Variants in TMEM108 observed in about 807,000 individuals in gnomAD.
The protein encoded by TMEM108 is cancer/testis antigen 124.
In TMEM108, 12 loss-of-function variants were observed where a neutral mutation model predicts 35.1. That is an observed-to-expected ratio of 0.34 (90% CI 0.22 to 0.55). The LOEUF (loss-of-function observed/expected upper bound fraction) is 0.55, where lower values mean the gene tolerates loss of function less well. TMEM108 is among the 20% of genes least tolerant of loss of function. The pLI is 0.89. For missense variants in TMEM108, 680 were observed against 753.3 expected, an observed-to-expected ratio of 0.90 and a Z score of 1.14; for synonymous variants, 287 against 308.6, an observed-to-expected ratio of 0.93 and a Z score of 0.73.
At chr3:133,126,262 C>T (rs533121945) in intron 2 of TMEM108, among the ~76,000 whole-genome samples, 26 of 152,034 alleles carry the variant, frequency 1.7e-4, no homozygotes, top group African/African-American at 5.8e-4. Flanking sequence ...GTCAGGAGTT[C>T]GAGACCAGCC....
At chr3:133,153,812 G>T (rs769872353) in intron 2 of TMEM108, among the ~76,000 whole-genome samples, 30 of 152,186 alleles carry the variant, frequency 2.0e-4, no homozygotes, top group Non-Finnish European at 3.4e-4. Flanking sequence ...GGCAATGGTT[G>T]TATATAGTAA....
At chr3:133,304,722 G>A (rs113868735) in intron 3 of TMEM108, among the ~76,000 whole-genome samples, 3,140 of 151,922 alleles carry the variant, frequency 0.021, 111 homozygotes, top group African/African-American at 0.071. Flanking sequence ...ATAAGGATAC[G>A]CCACAATTTG....
chr3:133,263,523 T>A (rs1225713589), intron 3 of TMEM108, among the ~76,000 whole-genome samples: 1 of 152,142 alleles, frequency 6.6e-6, no homozygotes, highest in Non-Finnish European at 1.5e-5. Flanking sequence ...GTTGGAAAGG[T>A]GAAAAGAAGC....
At chr3:133,345,859 T>C (rs1321182785) in intron 3 of TMEM108, among the ~76,000 whole-genome samples, 1 of 151,994 alleles carries the variant, frequency 6.6e-6, no homozygotes, top group Non-Finnish European at 1.5e-5. Flanking sequence ...GATATATGAA[T>C]TTTGCTGTAT....
At chr3:133,314,439 G>T (rs573591641) in intron 3 of TMEM108, among the ~76,000 whole-genome samples, 1 of 152,158 alleles carries the variant, frequency 6.6e-6, no homozygotes, top group African/African-American at 2.4e-5. Context: ...ATGATGGAAC[G>T]CAATTTCCAG....
At chr3:133,246,291 T>C (rs941303549) in intron 3 of TMEM108, 2 of 152,206 alleles carry the variant, frequency 1.3e-5, no homozygotes, top group Non-Finnish European at 2.9e-5. Context: ...TCCTGTCCCA[T>C]ATCAGCTCTG....
chr3:133,345,324 C>A (rs1323183042), intron 3 of TMEM108, among the ~76,000 whole-genome samples: 2 of 151,862 alleles, frequency 1.3e-5, no homozygotes, highest in Admixed American at 1.3e-4. Context: ...AGCTAGATGA[C>A]CATGTCAAAA....
At chr3:133,387,689 CT>C (rs2073173416) in intron 4 of TMEM108, 1 of 628,846 alleles carries the variant, frequency 1.6e-6, no homozygotes, top group African/African-American at 2.0e-5. Flanking sequence ...GTTTCAGCAC[CT>C]ACTGTGCACC....
intron 2 of TMEM108, among the ~76,000 whole-genome samples, chr3:133,126,155 A>G (rs1944412814): frequency 6.6e-6 from 1 of 152,134 alleles, no homozygotes; most frequent in African/African-American, 2.4e-5. Flanking sequence ...ATATACTACT[A>G]TAATCTTTTT....
chr3:133,055,629 A>G (rs907203922), intron 2 of TMEM108, among the ~76,000 whole-genome samples: 6 of 152,188 alleles, frequency 3.9e-5, no homozygotes, highest in African/African-American at 1.2e-4. Flanking sequence ...TATTCTTCCT[A>G]TGAACCACAG....
intron 3 of TMEM108, among the ~76,000 whole-genome samples, chr3:133,359,860 A>C (rs1576498280): frequency 6.6e-6 from 1 of 152,152 alleles, no homozygotes; most frequent in Non-Finnish European, 1.5e-5. Context: ...AAATGAAAAC[A>C]TGTGTCCTCA....
intron 3 of TMEM108, among the ~76,000 whole-genome samples, chr3:133,229,670 G>T (rs1343447418): frequency 6.6e-6 from 1 of 152,108 alleles, no homozygotes; most frequent in Non-Finnish European, 1.5e-5. Context: ...GTTAATTTGG[G>T]AATGAGTGTC....
At chr3:133,136,202 G>C (rs1057306769) in intron 2 of TMEM108, among the ~76,000 whole-genome samples, 1 of 152,116 alleles carries the variant, frequency 6.6e-6, no homozygotes, top group Non-Finnish European at 1.5e-5. Context: ...CAAAATTATT[G>C]CTTCTGAGCA....
intron 2 of TMEM108, among the ~76,000 whole-genome samples, chr3:133,137,814 G>A (rs966257612): frequency 6.6e-6 from 1 of 152,186 alleles, no homozygotes; most frequent in Non-Finnish European, 1.5e-5. Flanking sequence ...AACATATAAA[G>A]GTTGTCTTGG....
chr3:133,108,155 C>T (rs976289970), intron 2 of TMEM108, among the ~76,000 whole-genome samples: 4 of 152,180 alleles, frequency 2.6e-5, no homozygotes, highest in South Asian at 2.1e-4. Context: ...CACTTGAACT[C>T]GGGAGGCGGA....
chr3:133,142,291 C>T (rs1013206130), intron 2 of TMEM108, among the ~76,000 whole-genome samples: 2 of 152,096 alleles, frequency 1.3e-5, no homozygotes, highest in African/African-American at 4.8e-5. Flanking sequence ...GTGAATTTCT[C>T]AACTTACACA....
At chr3:133,148,525 T>G (rs1393399463) in intron 2 of TMEM108, among the ~76,000 whole-genome samples, 2 of 152,144 alleles carry the variant, frequency 1.3e-5, no homozygotes, top group East Asian at 3.8e-4. Flanking sequence ...ATGCTTTCAT[T>G]TAGGTGATGC....
intron 3 of TMEM108, among the ~76,000 whole-genome samples, chr3:133,365,048 G>A (rs1039755481): frequency 6.6e-6 from 1 of 152,168 alleles, no homozygotes; most frequent in African/African-American, 2.4e-5. Context: ...ATTGGATACT[G>A]GTTTCCCAGG....
chr3:133,368,925 G>T (rs555051197), intron 3 of TMEM108, among the ~76,000 whole-genome samples: 3 of 152,294 alleles, frequency 2.0e-5, no homozygotes, highest in Non-Finnish European at 4.4e-5. Context: ...ACTAAAATAA[G>T]AGTTATCACC....
Sources: gnomAD v4.1 joint callset for allele counts (sites outside exome capture counted in the v4.1 genomes callset) on GRCh38, gnomAD v4.1.1 for gene constraint, MANE v1.5 for transcripts, NCBI Gene and HGNC (gene_info 2026-07-23, HGNC 2026-07-21) for gene names.